Variants in RSPO2 observed in about 807,000 individuals in gnomAD.
RSPO2 encodes the protein R-spondin 2, also known as R-spondin-2.
Under a neutral mutation model 30.9 loss-of-function variants are expected in RSPO2, and 14 were observed. That is an observed-to-expected ratio of 0.45 (90% CI 0.30 to 0.71). The LOEUF is 0.71. RSPO2 is among the 30% of genes least tolerant of loss of function. The probability of loss-of-function intolerance (pLI) is 0.08; values close to 1 mark genes in which losing one functional copy is unlikely to be tolerated. For missense variants in RSPO2, 264 were observed against 301.9 expected (o/e 0.87, Z 0.93); for synonymous variants, 107 against 96.4 (o/e 1.11, Z -0.64).
chr8:107,962,664 C>T (rs1327158922), intron 3 of RSPO2, among the ~76,000 whole-genome samples: 1 of 152,034 alleles, frequency 6.6e-6, no homozygotes, highest in East Asian at 1.9e-4. Flanking sequence ...ACCATTATGT[C>T]CACAAATTGT....
chr8:108,032,091 C>A (rs1811440659), intron 2 of RSPO2, among the ~76,000 whole-genome samples: 1 of 152,132 alleles, frequency 6.6e-6, no homozygotes, highest in African/African-American at 2.4e-5. Flanking sequence ...CCCTATCCTG[C>A]CTCTTAAATT....
At chr8:108,002,884 T>C (rs74539532) in intron 2 of RSPO2, among the ~76,000 whole-genome samples, 3,817 of 152,274 alleles carry the variant, frequency 0.025, 77 homozygotes, top group Non-Finnish European at 0.038. Context: ...ATAAAAAGCA[T>C]ATTAACAGAC....
intron 2 of RSPO2, among the ~76,000 whole-genome samples, chr8:108,059,040 T>C (rs201393668): frequency 2.6e-5 from 4 of 151,724 alleles, no homozygotes; most frequent in Admixed American, 1.3e-4. Context: ...GCAAAAGAAA[T>C]TACCATCAGA....
chr8:107,949,392 C>T (rs1813170871), intron 5 of RSPO2, among the ~76,000 whole-genome samples: 1 of 151,980 alleles, frequency 6.6e-6, no homozygotes, highest in African/African-American at 2.4e-5. Context: ...TTTTCTTTAT[C>T]CACTCTTTGA....
chr8:107,983,991 G>C, intron 3 of RSPO2: 2 of 732,712 alleles, frequency 2.7e-6, no homozygotes, highest in Non-Finnish European at 4.6e-6. Flanking sequence ...CCACCAAAAG[G>C]GGAAAAGAGG....
In RSPO2 at chr8:108,028,788, C is replaced by T. The variant is rs188186614; in HGVS notation, c.95-39544G>A. Reference sequence around the variant, plus strand: ...CATTTGTCATCCGGAAATCATGATGCCTTGTCATCCTTCATAACTTGGGCA... The same window carrying T: ...CATTTGTCATCCGGAAATCATGATGTCTTGTCATCCTTCATAACTTGGGCA... On this transcript the variant is annotated intron_variant, in intron 2 of 5. Transcript: ENST00000276659. Among the ~76,000 whole-genome samples the T allele has an allele frequency of 9.9e-5, 15 of 152,186 alleles. No individual in the cohort carries two copies. The East Asian group carries it at 2.9e-3, about 29-fold the overall frequency.
At chr8:107,953,386 C>T (rs1489520282) in intron 5 of RSPO2, among the ~76,000 whole-genome samples, 1 of 152,198 alleles carries the variant, frequency 6.6e-6, no homozygotes, top group Non-Finnish European at 1.5e-5. Flanking sequence ...AGGGCCTTCA[C>T]AGGGAAAGCT....
chr8:107,928,553 T>C (rs959367792), intron 5 of RSPO2, among the ~76,000 whole-genome samples: 1 of 152,186 alleles, frequency 6.6e-6, no homozygotes, highest in Non-Finnish European at 1.5e-5. Context: ...CCATTCCAAA[T>C]TTTGATGTAT....
At chr8:107,950,372 T>C (rs1379194450) in intron 5 of RSPO2, among the ~76,000 whole-genome samples, 1 of 152,216 alleles carries the variant, frequency 6.6e-6, no homozygotes, top group Non-Finnish European at 1.5e-5. Context: ...TAAAGTCAAA[T>C]TTTTGGCTCA....
intron 2 of RSPO2, among the ~76,000 whole-genome samples, chr8:107,991,105 G>A (rs1007221856): frequency 2.0e-5 from 3 of 151,998 alleles, no homozygotes; most frequent in Admixed American, 6.6e-5. Context: ...AAATTAGCTG[G>A]GCATGGTAGC....
At chr8:108,053,630 G>A (rs1191722359) in intron 2 of RSPO2, among the ~76,000 whole-genome samples, 1 of 151,920 alleles carries the variant, frequency 6.6e-6, no homozygotes, top group African/African-American at 2.4e-5. Flanking sequence ...AGAAATAAAG[G>A]GAAGAAATTT....
chr8:107,975,607 C>T (rs1814177522), intron 3 of RSPO2, among the ~76,000 whole-genome samples: 1 of 152,192 alleles, frequency 6.6e-6, no homozygotes, highest in Non-Finnish European at 1.5e-5. Context: ...TGAGCCCTTG[C>T]TCCTACTCTT....
At chr8:107,942,141 C>A (rs1308307972) in intron 5 of RSPO2, among the ~76,000 whole-genome samples, 1 of 152,132 alleles carries the variant, frequency 6.6e-6, no homozygotes, top group Non-Finnish European at 1.5e-5. Context: ...TCCCCAAGAA[C>A]CTCCAAGGGT....
At position 107,958,794 on chromosome 8, in the gene RSPO2, G is replaced by A. The variant is rs568298411; in HGVS notation, c.428-526C>T. Reference sequence around the variant, plus strand: ...CTCCCACTTATAAGTGAGAACGTGCGGTGTTTGGCTTTCTGTTCCTGCACT... The same window carrying A: ...CTCCCACTTATAAGTGAGAACGTGCAGTGTTTGGCTTTCTGTTCCTGCACT... On this transcript the variant is annotated intron_variant, in intron 4 of 5. Coordinates refer to ENST00000276659, the MANE Select transcript of RSPO2 (RefSeq NM_178565.5). Among the ~76,000 whole-genome samples the A allele has an allele frequency of 9.2e-4, 140 of 152,180 alleles. 1 individual carries two copies. Among genetic ancestry groups the A allele is most frequent in the South Asian group, 4.1e-3 (20 of 4,826 alleles).
intron 2 of RSPO2, among the ~76,000 whole-genome samples, chr8:108,043,466 T>C (rs1270170917): frequency 6.6e-6 from 1 of 152,118 alleles, no homozygotes; most frequent in Non-Finnish European, 1.5e-5. Context: ...AAAGAAGTCA[T>C]ACTTGGTTCA....
At chr8:108,056,318 C>T (rs537130330) in intron 2 of RSPO2, among the ~76,000 whole-genome samples, 7 of 151,966 alleles carry the variant, frequency 4.6e-5, no homozygotes, top group Non-Finnish European at 7.4e-5. Context: ...AACAACAAAA[C>T]CTACGCTTGG....
intron 2 of RSPO2, among the ~76,000 whole-genome samples, chr8:108,053,882 G>T (rs1024907364): frequency 6.6e-6 from 1 of 152,080 alleles, no homozygotes; most frequent in Non-Finnish European, 1.5e-5. Context: ...AGCCTGGGCA[G>T]CAGAGCGAGA....
At chr8:107,911,762 A>C (rs1811835454) in intron 5 of RSPO2, among the ~76,000 whole-genome samples, 1 of 152,160 alleles carries the variant, frequency 6.6e-6, no homozygotes, top group Admixed American at 6.6e-5. Flanking sequence ...AGTGATTCAA[A>C]CCAACATCTG....
At chr8:107,988,913 C>T (rs1287056854) in intron 3 of RSPO2, 143 bp downstream of exon 3, 9 of 740,398 alleles carry the variant, frequency 1.2e-5, no homozygotes, top group East Asian at 6.3e-5. Flanking sequence ...CAGGCATGAC[C>T]CACCACACCC....
Sources: allele counts gnomAD v4.1 joint callset (sites outside exome capture counted in the v4.1 genomes callset), GRCh38; gene constraint gnomAD v4.1.1; transcripts MANE v1.5; gene names NCBI Gene and HGNC (gene_info 2026-07-23, HGNC 2026-07-21).